The following SHISA9 variants were observed in gnomAD, a reference collection of about 807,000 sequenced individuals.
SHISA9 encodes the protein protein shisa-9.
In SHISA9, 13 loss-of-function variants were observed where a neutral mutation model predicts 38.0. The ratio of observed to expected loss-of-function variants is 0.34; its 90% confidence interval spans 0.22 to 0.54. The LOEUF (loss-of-function observed/expected upper bound fraction) is 0.54. SHISA9 is among the 20% of genes least tolerant of loss of function. SHISA9 has a pLI of 0.91. For synonymous variants in SHISA9, 275 were observed against 242.0 expected (o/e 1.14, Z -1.27); for missense variants, 538 against 575.8 (o/e 0.93, Z 0.67).
In SHISA9 at chr16:13,059,324, T is replaced by A. The variant is rs188205153; in HGVS notation, c.691+142509T>A. Reference sequence around the variant, plus strand: ...TTGTATTTTTAGTAGAGACGGAGTTTCACTGTGTTAGCCAGGATGGTCTCA... The same window carrying A: ...TTGTATTTTTAGTAGAGACGGAGTTACACTGTGTTAGCCAGGATGGTCTCA... On this transcript the variant is annotated intron_variant, in intron 2 of 4. Transcript: ENST00000558583. Among the ~76,000 whole-genome samples, 1,199 of 152,166 alleles carry A rather than the reference T, an allele frequency of 7.9e-3. 17 individuals are homozygous for A. The highest frequency in any genetic ancestry group is 0.028 in the African/African-American group (1,148 of 41,492).
chr16:13,330,547 C>T, the SHISA9 span, among the ~76,000 whole-genome samples: 1 of 152,120 alleles, frequency 6.6e-6, no homozygotes, highest in Admixed American at 6.5e-5. Flanking sequence ...TCTATCATCC[C>T]ACTTCTCCTT....
chr16:13,076,473 CT>C (rs1465657154), intron 2 of SHISA9, among the ~76,000 whole-genome samples: 2 of 152,168 alleles, frequency 1.3e-5, no homozygotes, highest in African/African-American at 4.8e-5. Context: ...CCACTTCCCC[CT>C]GCTCCCTCCT....
chr16:13,317,505 G>A, the SHISA9 span, among the ~76,000 whole-genome samples: 22 of 152,034 alleles, frequency 1.4e-4, no homozygotes, highest in African/African-American at 4.8e-4. Context: ...ACAACATGCA[G>A]GTTTGTTACA....
At chr16:13,151,576 G>A (rs58146511) in intron 2 of SHISA9, among the ~76,000 whole-genome samples, 15,064 of 152,058 alleles carry the variant, frequency 0.099, 872 homozygotes, top group South Asian at 0.25. Context: ...AATCCCCTCA[G>A]TTAGTAACTA....
the SHISA9 span, among the ~76,000 whole-genome samples, chr16:13,278,230 G>T: frequency 1.3e-5 from 2 of 152,102 alleles, no homozygotes; most frequent in Admixed American, 6.6e-5. Context: ...ATTGACTTGC[G>T]TATGTTAAAC....
At chr16:13,435,651 T>C in the SHISA9 span, among the ~76,000 whole-genome samples, 2 of 152,326 alleles carry the variant, frequency 1.3e-5, no homozygotes, top group Non-Finnish European at 2.9e-5. Flanking sequence ...CAGCCTCTGA[T>C]GTTATCAAGC....
At chr16:12,913,416 T>G (rs543276262) in intron 1 of SHISA9, among the ~76,000 whole-genome samples, 1 of 152,240 alleles carries the variant, frequency 6.6e-6, no homozygotes, top group Non-Finnish European at 1.5e-5. Context: ...AGGCTGGTCT[T>G]GAAATCCTGA....
At chr16:12,997,002 A>G (rs1479466100) in intron 2 of SHISA9, among the ~76,000 whole-genome samples, 2 of 152,186 alleles carry the variant, frequency 1.3e-5, no homozygotes, top group African/African-American at 4.8e-5. Flanking sequence ...ATTTACATAC[A>G]GTGAGATGCA....
At chr16:12,989,623 T>C (rs918265185) in intron 2 of SHISA9, among the ~76,000 whole-genome samples, 6 of 152,180 alleles carry the variant, frequency 3.9e-5, no homozygotes, top group Admixed American at 3.3e-4. Context: ...TAAGAATGTA[T>C]GTCTACTTAA....
chr16:13,327,382 G>A, the SHISA9 span, among the ~76,000 whole-genome samples: 14 of 152,082 alleles, frequency 9.2e-5, no homozygotes, highest in South Asian at 2.1e-4. Context: ...TTGGGAGGCC[G>A]AGGCAGGTGG....
the SHISA9 span, among the ~76,000 whole-genome samples, chr16:13,264,873 CTCT>C: frequency 2.2e-4 from 33 of 152,120 alleles, no homozygotes; most frequent in African/African-American, 7.9e-4. Context: ...CCTCTCCTTT[CTCT>C]TCTTCTCCCT....
At chr16:12,951,132 A>C (rs1183231024) in intron 2 of SHISA9, among the ~76,000 whole-genome samples, 1 of 144,280 alleles carries the variant, frequency 6.9e-6, no homozygotes, top group Non-Finnish European at 1.5e-5. Flanking sequence ...GAGGCAGGAG[A>C]ATTGCTTGAA....
the SHISA9 span, among the ~76,000 whole-genome samples, chr16:13,358,755 G>T: frequency 6.6e-6 from 1 of 152,198 alleles, no homozygotes; most frequent in South Asian, 2.1e-4. Flanking sequence ...TGACAGTTAT[G>T]AGTTCCAGAC....
At chr16:13,000,422 C>T (rs542307298) in intron 2 of SHISA9, among the ~76,000 whole-genome samples, 1 of 152,286 alleles carries the variant, frequency 6.6e-6, no homozygotes, top group South Asian at 2.1e-4. Flanking sequence ...CTGCGCACAG[C>T]TCTGGAGTGT....
At chr16:12,947,982 C>CAT (rs1420482642) in intron 2 of SHISA9, among the ~76,000 whole-genome samples, 2 of 152,154 alleles carry the variant, frequency 1.3e-5, no homozygotes, top group African/African-American at 4.8e-5. Flanking sequence ...TTTGAGAAAG[C>CAT]ATAGGGTTGG....
the SHISA9 span, among the ~76,000 whole-genome samples, chr16:13,462,791 G>A: frequency 2.9e-3 from 433 of 151,846 alleles, no homozygotes; most frequent in African/African-American, 9.7e-3. Context: ...GTGAAACCGC[G>A]TCTCTACTAA....
intron 2 of SHISA9, among the ~76,000 whole-genome samples, chr16:13,015,858 C>CTTTCTT (rs2072739437): frequency 1.7e-5 from 1 of 59,730 alleles, no homozygotes; most frequent in African/African-American, 1.1e-4. Context: ...CTTTCCCTTT[C>CTTTCTT]TTTCTTTCTT....
chr16:13,278,050 G>C, the SHISA9 span, among the ~76,000 whole-genome samples: 1 of 151,966 alleles, frequency 6.6e-6, no homozygotes, highest in Non-Finnish European at 1.5e-5. Flanking sequence ...TTGGCTGTGG[G>C]TTTGTCATAG....
chr16:13,476,630 G>A, the SHISA9 span, among the ~76,000 whole-genome samples: 1 of 151,932 alleles, frequency 6.6e-6, no homozygotes, highest in Non-Finnish European at 1.5e-5. Context: ...CTGTTTGAAA[G>A]GGGACACCCA....
Sources: allele counts gnomAD v4.1 joint callset (sites outside exome capture counted in the v4.1 genomes callset), GRCh38; gene constraint gnomAD v4.1.1; transcripts MANE v1.5; gene names NCBI Gene and HGNC (gene_info 2026-07-23, HGNC 2026-07-21).